The following CACNA1C variants were observed in gnomAD, a reference collection of about 807,000 sequenced individuals.
CACNA1C encodes calcium voltage-gated channel subunit alpha1 C, also known as voltage-dependent L-type calcium channel subunit alpha-1C.
A neutral mutation model predicts 229.0 loss-of-function variants in CACNA1C; 30 were observed. The observed-to-expected ratio is 0.13, with a 90% CI of 0.10 to 0.18. CACNA1C has a LOEUF of 0.18. Among genes scored for constraint, CACNA1C ranks in the 10% least tolerant of loss-of-function variants. CACNA1C has a pLI of 1.00. For missense variants in CACNA1C, 1,658 were observed against 2,845.0 expected (o/e 0.58, Z 9.49); for synonymous variants, 1,114 against 1,132.5 (o/e 0.98, Z 0.33).
intron 1 of CACNA1C, chr12:1,991,483 C>A: frequency 4.3e-6 from 1 of 233,288 alleles, no homozygotes; most frequent in Non-Finnish European, 8.7e-6. Context: ...TTTATTTTGC[C>A]CAATTTATCC....
At chr12:2,582,208 A>G (rs1367946671) in intron 14 of CACNA1C, among the ~76,000 whole-genome samples, 3 of 152,038 alleles carry the variant, frequency 2.0e-5, no homozygotes, top group Non-Finnish European at 4.4e-5. Context: ...AGCCCAAAAC[A>G]TAAAGAAAAG....
chr12:2,527,216 A>G (rs1164156980), intron 9 of CACNA1C, among the ~76,000 whole-genome samples: 1 of 152,232 alleles, frequency 6.6e-6, no homozygotes, highest in Non-Finnish European at 1.5e-5. Flanking sequence ...TAAGAACTTC[A>G]ATAGTGCCTT....
Position 1,991,753 on chromosome 12 carries a change from G to A in CACNA1C, c.139+20552G>A, listed in dbSNP as rs557327908. The A allele has an allele frequency of 1.3e-4, 20 of 155,562 alleles. 1 individual carries two copies. In the South Asian group the frequency reaches 3.1e-3, roughly 24 times the overall value. The allele number at this position is 155,562 out of a possible 1,614,324, so 9.6% of individuals were successfully genotyped here. A position where few individuals can be genotyped will look rare whatever the true frequency, so the allele number is the denominator to read the frequency against. ...GATAAACCCTGTGGGACTTAAGAAG[G>A]TTATTTTTTAAATTGATGCATTAAA... On this transcript the variant is annotated intron_variant, in intron 1 of 46. Transcript: ENST00000682462.
intron 10 of CACNA1C, among the ~76,000 whole-genome samples, chr12:2,553,382 A>G (rs1396214728): frequency 6.6e-6 from 1 of 152,220 alleles, no homozygotes; most frequent in African/African-American, 2.4e-5. Flanking sequence ...ATACAGAATC[A>G]GAAACAGGCT....
chr12:2,189,727 A>C (rs2097154322), intron 3 of CACNA1C, among the ~76,000 whole-genome samples: 1 of 152,228 alleles, frequency 6.6e-6, no homozygotes. Flanking sequence ...GCTAAAGTAA[A>C]ACAGCATGAA....
intron 5 of CACNA1C, among the ~76,000 whole-genome samples, chr12:2,477,013 A>G (rs761600998): frequency 3.9e-5 from 6 of 152,208 alleles, no homozygotes; most frequent in Admixed American, 6.5e-5. Flanking sequence ...CCTTTCCCCA[A>G]GAGAGAACTA....
At chr12:2,668,684 CACTT>C (rs2096375683) in intron 37 of CACNA1C, 1 of 460,674 alleles carries the variant, frequency 2.2e-6, no homozygotes, top group African/African-American at 2.0e-5. Flanking sequence ...AGGGACCACA[CACTT>C]ACTTAAACAA....
intron 1 of CACNA1C, among the ~76,000 whole-genome samples, chr12:2,043,206 G>A (rs927653701): frequency 2.0e-5 from 3 of 152,210 alleles, no homozygotes; most frequent in Admixed American, 6.5e-5. Flanking sequence ...CAATGCATCA[G>A]AACTTGGCAA....
intron 29 of CACNA1C, among the ~76,000 whole-genome samples, chr12:2,615,777 T>C (rs770930582): frequency 2.0e-5 from 3 of 152,204 alleles, no homozygotes; most frequent in Non-Finnish European, 4.4e-5. Flanking sequence ...TGATGTCACT[T>C]AGTTGCCTGA....
rs1238098699 is a variant in CACNA1C, at chr12:2,115,337, G to A, written c.163G>A (p.Ala55Thr). The A allele has an allele frequency of 6.3e-7, 1 of 1,585,642 alleles. No individual in the cohort carries two copies. The highest frequency in any genetic ancestry group is 8.5e-7 in the Non-Finnish European group (1 of 1,169,820). The change falls in exon 2 of 47, where the codon GCC becomes ACC. Residue 55 changes from alanine (A) to threonine (T), a missense_variant. This residue lies in a region of CACNA1C where 111 missense variants were observed against 128.0 expected (regional missense o/e 0.87). Transcript: ENST00000399655. Reference sequence around the variant, plus strand: ...GGGGGCTGCCCTGTCGTGGCAGGCGGCCATCGACGCAGCCCGGCAGGCTAA... The same window carrying A: ...GGGGGCTGCCCTGTCGTGGCAGGCGACCATCGACGCAGCCCGGCAGGCTAA... ...TPGAALSWQA[A>T]IDAARQAKLM...
In CACNA1C at chr12:2,601,811, G is replaced by T. The variant is rs200806305; in HGVS notation, c.2854-43G>T. ...TGGTGTGAGGGGTCTCTGGGCTAGG[G>T]CTAGGGCCACTCACACTGGTGTTCC... is the stretch of plus-strand genomic sequence containing the variant. On this transcript the variant is annotated intron_variant, in intron 21 of 46. Transcript: ENST00000399655. This position sits in a 1 kb window ranked among gnomAD's most constrained non-coding sequence, Gnocchi z 5.9. 7.5e-6 allele frequency: 10 copies of T among 1,336,054 alleles called. No individual in the cohort carries two copies. The Admixed American group carries it at 8.4e-5, about 11-fold the overall frequency. The allele number at this position is 1,336,054 out of a possible 1,614,324, so 82.8% of individuals were successfully genotyped here.
Position 2,696,845 on chromosome 12 carries a change from C to A in CACNA1C, c.*5646C>A, listed in dbSNP as rs1476830797. ...CCAAGGAACCTGAGGCTGCAGGTTTCAGGGACCCCCTTGAAGAAACCTCTC... is the reference window on the plus strand; with the variant it reads ...CCAAGGAACCTGAGGCTGCAGGTTTAAGGGACCCCCTTGAAGAAACCTCTC... On this transcript the variant is annotated 3_prime_UTR_variant, in exon 47 of 47. Transcript: ENST00000399655. 3 of 152,136 alleles carry A rather than the reference C, an allele frequency of 2.0e-5. No homozygotes were observed. The highest frequency in any genetic ancestry group is 6.5e-5 in the Admixed American group (1 of 15,272). The allele number at this position is 152,136 out of a possible 1,614,324, so 9.4% of individuals were successfully genotyped here.
At position 2,653,946 on chromosome 12, in the gene CACNA1C, C is replaced by A; in HGVS notation, c.4140+46C>A. On this transcript the variant is annotated intron_variant, in intron 33 of 46. Coordinates refer to ENST00000399655, the MANE Select transcript of CACNA1C (RefSeq NM_000719.7). This position sits in a 1 kb window ranked among gnomAD's most constrained non-coding sequence, Gnocchi z 4.7. ...GGGCTCCTGGCCTCCCGCTCTGTCT[C>A]TCCCCAGTTCCCAGCACCACATTCC... 6.7e-7 allele frequency: 1 copy of A among 1,500,686 alleles called. No individual in the cohort carries two copies. Among genetic ancestry groups the A allele is most frequent in the Non-Finnish European group, 9.3e-7 (1 of 1,078,688 alleles). The allele number at this position is 1,500,686 out of a possible 1,614,324, so 93.0% of individuals were successfully genotyped here.
intron 21 of CACNA1C, among the ~76,000 whole-genome samples, chr12:2,599,234 A>G (rs965726972): frequency 6.6e-6 from 1 of 152,192 alleles, no homozygotes; most frequent in Admixed American, 6.5e-5. Context: ...TATGCTCAGC[A>G]TGCTTCTGAA....
chr12:2,074,660 C>T (rs761863398), intron 1 of CACNA1C, among the ~76,000 whole-genome samples: 1 of 152,170 alleles, frequency 6.6e-6, no homozygotes, highest in Non-Finnish European at 1.5e-5. Context: ...CTCTTCCCTG[C>T]TGAAGATGTT....
At chr12:2,433,814 A>G (rs1380609747) in intron 3 of CACNA1C, among the ~76,000 whole-genome samples, 1 of 152,080 alleles carries the variant, frequency 6.6e-6, no homozygotes, top group African/African-American at 2.4e-5. Context: ...ATTTCAAGGG[A>G]CAGCCGTTGA....
At chr12:2,551,111 GA>G (rs1349171139) in intron 10 of CACNA1C, among the ~76,000 whole-genome samples, 1 of 152,194 alleles carries the variant, frequency 6.6e-6, no homozygotes, top group Non-Finnish European at 1.5e-5. Context: ...CAACTCTAGG[GA>G]AAGGCCTATA....
rs747140717 is a variant in CACNA1C, at chr12:2,651,559, C to A, written c.3946-81C>A. The A allele has an allele frequency of 1.4e-4, 228 of 1,610,272 alleles. No homozygotes were observed. Among genetic ancestry groups the A allele is most frequent in the Non-Finnish European group, 1.9e-4 (222 of 1,177,302 alleles). On this transcript the variant is annotated intron_variant, in intron 31 of 46. Transcript: ENST00000399655. This position sits in a 1 kb window ranked among gnomAD's most constrained non-coding sequence, Gnocchi z 5.4. ...TGCCTTCCGCCACTGCCACTGAGGT[C>A]TGTATTTCTCGGAGGGGCCCTCCTG...
intron 3 of CACNA1C, among the ~76,000 whole-genome samples, chr12:2,236,776 T>C (rs2067546657): frequency 6.6e-6 from 1 of 152,146 alleles, no homozygotes; most frequent in Admixed American, 6.5e-5. Context: ...GAGGCGATAG[T>C]TGAAGTGAAC....
Sources: allele counts gnomAD v4.1 joint callset (sites outside exome capture counted in the v4.1 genomes callset), GRCh38; gene constraint gnomAD v4.1.1; regional missense constraint gnomAD v4.1.1; non-coding constraint Gnocchi (gnomAD v3.1); transcripts MANE v1.5; gene names NCBI Gene and HGNC (gene_info 2026-07-23, HGNC 2026-07-21).